The following CHD7 variants were observed in gnomAD, a reference collection of about 807,000 sequenced individuals.
CHD7 encodes ATP-dependent chromatin remodeler CHD7.
A neutral mutation model predicts 307.3 loss-of-function variants in CHD7; 24 were observed. The ratio of observed to expected loss-of-function variants is 0.08; its 90% CI spans 0.06 to 0.11. The LOEUF is 0.11. Among genes scored for constraint, CHD7 ranks in the 10% least tolerant of loss-of-function variants. The probability of loss-of-function intolerance (pLI) is 1.00; values close to 1 mark genes in which losing one functional copy is unlikely to be tolerated. For missense variants in CHD7, 3,106 were observed against 3,727.1 expected (o/e 0.83, Z 4.34); for synonymous variants, 1,363 against 1,349.9 (o/e 1.01, Z -0.21).
At position 60,819,679 on chromosome 8, in the gene CHD7, TA is replaced by T; in HGVS notation, c.2614-325del. 2.0e-5 allele frequency among the ~76,000 whole-genome samples: 3 copies of T among 152,374 alleles called. No individual in the cohort carries two copies. The East Asian group carries it at 5.8e-4, about 29-fold the overall frequency. On this transcript the variant is annotated intron_variant, in intron 8 of 37. Coordinates refer to ENST00000423902, the MANE Select transcript of CHD7 (RefSeq NM_017780.4). ...TTGCAAACTGTAGTTTCGAGAATGCTAAATGCATCGCATGCCATAAGCCTTT... is the reference window on the plus strand; with the variant it reads ...TTGCAAACTGTAGTTTCGAGAATGCTAATGCATCGCATGCCATAAGCCTTT...
intron 31 of CHD7, 22 bp from the exon 32 acceptor site, chr8:60,854,341 T>C: frequency 1.2e-6 from 2 of 1,607,878 alleles, no homozygotes; most frequent in Non-Finnish European, 1.7e-6. Flanking sequence ...TTGTGAGTAA[T>C]GCACATTAAC....
rs772341596 is a variant in CHD7, at chr8:60,781,271, G to A, written c.1937G>A (p.Arg646Lys). ...GSQEEKKKKKRSKAKKDPKEP... is the reference protein window; with the variant it reads ...GSQEEKKKKKKSKAKKDPKEP... ...CAAGAAGAAAAAAAGAAAAAGAAAA[G>A]GTCAAAGGCAAAAAAAGACCCGAAG... The change falls in exon 3 of 38, where the codon AGG becomes AAG. Residue 646 changes from arginine to lysine, a missense_variant. By Grantham distance (26) the Arg-to-Lys change is conservative. Transcript: ENST00000423902. The A allele has an allele frequency of 3.2e-6, 5 of 1,564,242 alleles. No individual in the cohort carries two copies. The highest frequency in any genetic ancestry group is 4.3e-6 in the Non-Finnish European group (5 of 1,154,508).
intron 6 of CHD7, among the ~76,000 whole-genome samples, chr8:60,801,819 G>T (rs1586353363): frequency 6.6e-6 from 1 of 152,128 alleles, no homozygotes; most frequent in Non-Finnish European, 1.5e-5. Flanking sequence ...ATTCAGAGTG[G>T]ACTAGAAACT....
At chr8:60,845,457 C>G in intron 23 of CHD7, 48 bp downstream of exon 23, 1 of 1,573,436 alleles carries the variant, frequency 6.4e-7, no homozygotes, top group Non-Finnish European at 8.7e-7. Context: ...CCTTTTTATT[C>G]TTTAAAAAAT....
chr8:60,709,363 C>T (rs977896358), intron 1 of CHD7, among the ~76,000 whole-genome samples: 1 of 152,100 alleles, frequency 6.6e-6, no homozygotes, highest in Non-Finnish European at 1.5e-5. Flanking sequence ...TAAAAATCAC[C>T]AACGTTTATT....
chr8:60,839,704 CT>C (rs1313701423), intron 19 of CHD7, among the ~76,000 whole-genome samples: 3 of 152,168 alleles, frequency 2.0e-5, no homozygotes, highest in Non-Finnish European at 4.4e-5. Context: ...TATTGAGCAT[CT>C]TTTCATGTGC....
At chr8:60,797,097 T>C (rs75206843) in intron 4 of CHD7, among the ~76,000 whole-genome samples, 2,889 of 152,336 alleles carry the variant, frequency 0.019, 79 homozygotes, top group African/African-American at 0.055. Context: ...TTCTTACATT[T>C]CATTTTGACT....
chr8:60,696,842 T>TG (rs1277927756), intron 1 of CHD7, among the ~76,000 whole-genome samples: 5 of 151,650 alleles, frequency 3.3e-5, no homozygotes, highest in Non-Finnish European at 7.4e-5. Context: ...AAATTTTGCA[T>TG]GTTTTTTTTT....
intron 14 of CHD7, 36 bp downstream of exon 14, chr8:60,828,842 A>G (rs368133931): frequency 1.3e-6 from 2 of 1,590,502 alleles, no homozygotes; most frequent in Non-Finnish European, 1.7e-6. Flanking sequence ...TCAGTTATAA[A>G]ATTGAAGATT....
intron 1 of CHD7, among the ~76,000 whole-genome samples, chr8:60,721,875 ATATT>A (rs1586215117): frequency 6.6e-6 from 1 of 152,182 alleles, no homozygotes; most frequent in Non-Finnish European, 1.5e-5. Context: ...AAGGGTGATA[ATATT>A]TATTCTGCTT....
chr8:60,839,447 G>A (rs1280091473), intron 19 of CHD7, among the ~76,000 whole-genome samples: 1 of 152,180 alleles, frequency 6.6e-6, no homozygotes, highest in Non-Finnish European at 1.5e-5. Flanking sequence ...TATATACCAG[G>A]AGTGGAATTG....
intron 4 of CHD7, among the ~76,000 whole-genome samples, chr8:60,797,967 T>A (rs1812109832): frequency 6.6e-6 from 1 of 152,222 alleles, no homozygotes; most frequent in Non-Finnish European, 1.5e-5. Context: ...CATGTACTGT[T>A]CTAAAAGCTT....
At chr8:60,856,387 C>A in intron 33 of CHD7, 58 bp from the exon 34 acceptor site, 3 of 1,476,068 alleles carry the variant, frequency 2.0e-6, no homozygotes, top group South Asian at 1.4e-5. Context: ...AAAGCCAGCC[C>A]ATATAGCAGT....
At chr8:60,764,859 A>G (rs1012902239) in intron 2 of CHD7, among the ~76,000 whole-genome samples, 3 of 152,244 alleles carry the variant, frequency 2.0e-5, no homozygotes, top group African/African-American at 7.2e-5. Context: ...ACGCAGACAT[A>G]GTACAGAACA....
intron 13 of CHD7, among the ~76,000 whole-genome samples, chr8:60,828,439 AG>A (rs1804353393): frequency 6.6e-6 from 1 of 152,182 alleles, no homozygotes; most frequent in Admixed American, 6.5e-5. Context: ...CAAAATGGCA[AG>A]ACACATTTAA....
At chr8:60,686,540 G>T (rs933845279) in intron 1 of CHD7, among the ~76,000 whole-genome samples, 2 of 152,120 alleles carry the variant, frequency 1.3e-5, no homozygotes, top group African/African-American at 4.8e-5. Flanking sequence ...TTCTCTCCTG[G>T]CATCTGCAGT....
At chr8:60,842,876 G>A (rs1805033327) in intron 21 of CHD7, among the ~76,000 whole-genome samples, 1 of 152,202 alleles carries the variant, frequency 6.6e-6, no homozygotes, top group African/African-American at 2.4e-5. Flanking sequence ...CCAAGCTTCT[G>A]TTAGGACAGA....
intron 37 of CHD7, chr8:60,863,102 CTTTGT>C (rs1183563213): frequency 6.4e-6 from 1 of 156,096 alleles, no homozygotes; most frequent in Non-Finnish European, 1.4e-5. Flanking sequence ...CATGCTGGTT[CTTTGT>C]TTTAATTATA....
chr8:60,738,550 C>T (rs963324311), intron 1 of CHD7, among the ~76,000 whole-genome samples: 1 of 151,926 alleles, frequency 6.6e-6, no homozygotes, highest in Non-Finnish European at 1.5e-5. Context: ...AATGCAGCTG[C>T]GACTTGGGAA....
Sources: gnomAD v4.1 joint callset for allele counts (sites outside exome capture counted in the v4.1 genomes callset) on GRCh38, gnomAD v4.1.1 for gene constraint, MANE v1.5 for transcripts, NCBI Gene and HGNC (gene_info 2026-07-23, HGNC 2026-07-21) for gene names.